The following DHX38 variants were observed in gnomAD, a reference collection of about 807,000 sequenced individuals.
DHX38 encodes the protein pre-mRNA-splicing factor ATP-dependent RNA helicase PRP16.
In DHX38, 100 loss-of-function variants were observed where a neutral mutation model predicts 153.1. The ratio of observed to expected loss-of-function variants is 0.65; its 90% CI spans 0.56 to 0.77. The LOEUF is 0.77. Ranked by LOEUF, DHX38 falls within the 30% of genes least tolerant of loss-of-function variation. DHX38 has a pLI of 0.00. For synonymous variants in DHX38, 650 were observed against 631.7 expected (o/e 1.03, Z -0.43); for missense variants, 1,440 against 1,654.0 (o/e 0.87, Z 2.24).
At position 72,098,728 on chromosome 16, in the gene DHX38, TC is replaced by T; in HGVS notation, c.704del (p.Pro235ArgfsTer23). 6.2e-7 allele frequency: 1 copy of T among 1,614,100 alleles called. No individual in the cohort carries two copies. Among genetic ancestry groups the T allele is most frequent in the Non-Finnish European group, 8.5e-7 (1 of 1,180,010 alleles). ...SSRRSQWESP[S>X]PTPSYRDSER... ...AAGGCGCTCACAGTGGGAATCGCCC[TC>T]CCCGACGCCTTCCTATCGGGATTCT... On this transcript the variant is annotated frameshift_variant, in exon 5 of 27. Coordinates refer to ENST00000268482, the MANE Select transcript of DHX38 (RefSeq NM_014003.4). LOFTEE classifies it high-confidence loss of function.
intron 10 of DHX38, 65 bp from the exon 11 acceptor site, chr16:72,101,435 G>T: frequency 6.8e-7 from 1 of 1,479,234 alleles, no homozygotes. Context: ...TCTCCCGTGG[G>T]ATTGATTTTC....
At position 72,108,600 on chromosome 16, in the gene DHX38, A is replaced by C; in HGVS notation, c.3248A>C (p.Lys1083Thr). ...ICAAYFHQAAKLKGIGEYVNI... is the reference protein window; with the variant it reads ...ICAAYFHQAATLKGIGEYVNI... ...GCTGCCTATTTCCACCAAGCAGCCA[A>C]GCTCAAGGTGAACCCAGGAGCCCAG... The change falls in exon 23 of 27, where the codon AAG (lysine) becomes ACG (threonine). Residue 1083 changes from lysine (K) to threonine (T), a missense_variant. Physicochemically the swap from Lys to Thr is moderately conservative, Grantham distance 78 (BLOSUM62 -1). Transcript: ENST00000268482. 6.2e-7 allele frequency: 1 copy of C among 1,613,744 alleles called. No homozygotes were observed.
chr16:72,110,501 C>T lies in DHX38; in HGVS notation c.3478-455C>T, dbSNP rs907433494. Among the ~76,000 whole-genome samples, 5 of 152,154 alleles carry T rather than the reference C, an allele frequency of 3.3e-5. No homozygotes were observed. In the East Asian group the frequency reaches 7.7e-4, roughly 23 times the overall value. On this transcript the variant is annotated intron_variant, in intron 25 of 26. Coordinates refer to ENST00000268482, the MANE Select transcript of DHX38 (RefSeq NM_014003.4). ...CTGCTCCTCCATCTTGAGGTTTTAG[C>T]GTCTGTTGATGGCCATTGCCTAGAT...
intron 3 of DHX38, 105 bp downstream of exon 3, chr16:72,097,114 C>A: frequency 7.7e-7 from 1 of 1,290,942 alleles, no homozygotes; most frequent in Non-Finnish European, 1.1e-6. Flanking sequence ...TTAGGGAGTC[C>A]TATTTGCATG....
chr16:72,111,741 A>G (rs2042259766), intron 26 of DHX38, among the ~76,000 whole-genome samples: 1 of 152,162 alleles, frequency 6.6e-6, no homozygotes, highest in Admixed American at 6.5e-5. Flanking sequence ...ATGACAGGTT[A>G]TTGCTAGCCA....
chr16:72,103,105 A>G lies in DHX38; in HGVS notation c.1531A>G (p.Arg511Gly). 1 of 1,614,230 alleles carries G rather than the reference A, an allele frequency of 6.2e-7. No homozygotes were observed. Among genetic ancestry groups the G allele is most frequent in the Non-Finnish European group, 8.5e-7 (1 of 1,180,030 alleles). ...GCAGAAGTTTGCAGATCACATGAAG[A>G]GAAAGAGCGAAGCCAGCAGTGAATT... ...TEQKFADHMKRKSEASSEFAK... is the reference protein window; with the variant it reads ...TEQKFADHMKGKSEASSEFAK... Residue 511 changes from arginine to glycine, a missense_variant, in exon 12 of 27, where the codon AGA (arginine) becomes GGA (glycine). Arg to Gly is a moderately radical substitution (Grantham distance 125). Around this residue, in one of 6 missense-constraint regions of DHX38, gnomAD observed 241 missense variants for 229.5 expected, o/e 1.05. Transcript: ENST00000268482.
Position 72,103,637 on chromosome 16 carries a change from G to A in DHX38, c.1673G>A (p.Gly558Glu). The change falls in exon 13 of 27, where the codon GGG becomes GAG. Residue 558 changes from glycine (G) to glutamate (E), a missense_variant. Gly to Glu is a moderately conservative substitution (Grantham distance 98). Coordinates refer to ENST00000268482, the MANE Select transcript of DHX38 (RefSeq NM_014003.4). ...ATCGTGATCGTGGTTGGGGAGACGGGGAGTGGTAAGACCACTCAGCTGACG... is the reference window on the plus strand; with the variant it reads ...ATCGTGATCGTGGTTGGGGAGACGGAGAGTGGTAAGACCACTCAGCTGACG... ...NSIVIVVGET[G>E]SGKTTQLTQY... 1 of 1,612,136 alleles carries A rather than the reference G, an allele frequency of 6.2e-7. No individual in the cohort carries two copies. Among genetic ancestry groups the A allele is most frequent in the Non-Finnish European group, 8.5e-7 (1 of 1,178,306 alleles).
intron 4 of DHX38, 68 bp downstream of exon 4, chr16:72,097,849 C>T: frequency 7.6e-7 from 1 of 1,323,302 alleles, no homozygotes; most frequent in South Asian, 1.3e-5. Flanking sequence ...TGACTCTCGT[C>T]TTCAGTGAGA....
intron 10 of DHX38, 100 bp from the exon 11 acceptor site, chr16:72,101,400 T>G: frequency 7.7e-7 from 1 of 1,296,654 alleles, no homozygotes; most frequent in Non-Finnish European, 1.1e-6. Context: ...CTGGGGGAGT[T>G]TACCACCTGC....
Position 72,104,701 on chromosome 16 carries a change from G to A in DHX38, c.2151+75G>A. On this transcript the variant is annotated intron_variant, in intron 15 of 26. Coordinates refer to ENST00000268482, the MANE Select transcript of DHX38 (RefSeq NM_014003.4). This position sits in a 1 kb window ranked among gnomAD's most constrained non-coding sequence, Gnocchi z 4.5. ...TCTGATGCGAAGCCGGCTGGAGGGT[G>A]GAGGGTGGGTAGGGGACTGGGTTGG... 6.3e-7 allele frequency: 1 copy of A among 1,595,050 alleles called. No individual in the cohort carries two copies.
Position 72,099,174 on chromosome 16 carries a change from T to C in DHX38, c.884-30T>C, listed in dbSNP as rs775866943. 2.1e-5 allele frequency: 34 copies of C among 1,600,170 alleles called. No homozygotes were observed. In the South Asian group the frequency reaches 2.6e-4, roughly 12 times the overall value. On this transcript the variant is annotated intron_variant, in intron 6 of 26. Coordinates refer to ENST00000268482, the MANE Select transcript of DHX38 (RefSeq NM_014003.4). The stretch of plus-strand genomic sequence containing the variant: ...GGGCCGCTGGGGACAGGCCAGGGCA[T>C]GGACTGACCTGCTTCCTGTGCTCCT...
intron 6 of DHX38, 67 bp downstream of exon 6, chr16:72,099,112 G>A (rs1452539785): frequency 1.3e-5 from 21 of 1,599,986 alleles, no homozygotes; most frequent in African/African-American, 2.7e-5. Flanking sequence ...AGCAGGGGCT[G>A]CCCTTCTGGA....
In DHX38 at chr16:72,104,677, C is replaced by G. The variant is rs768260581; in HGVS notation, c.2151+51C>G. 5 of 1,609,568 alleles carry G rather than the reference C, an allele frequency of 3.1e-6. No homozygotes were observed. In the African/African-American group the frequency reaches 6.7e-5, roughly 22 times the overall value. ...TGACCCTTCCATGCCACGCACTTCTCTGATGCGAAGCCGGCTGGAGGGTGG... is the reference window on the plus strand; with the variant it reads ...TGACCCTTCCATGCCACGCACTTCTGTGATGCGAAGCCGGCTGGAGGGTGG... On this transcript the variant is annotated intron_variant, in intron 15 of 26. Coordinates refer to ENST00000268482, the MANE Select transcript of DHX38 (RefSeq NM_014003.4). The surrounding 1 kb of genome is among the most constrained non-coding windows in gnomAD (Gnocchi z 4.5).
rs2042214270 is a variant in DHX38 at position 72,108,509 on chromosome 16, G to A, written c.3157G>A (p.Val1053Met). 6.2e-7 allele frequency: 1 copy of A among 1,614,184 alleles called. No homozygotes were observed. Among genetic ancestry groups the A allele is most frequent in the Non-Finnish European group, 8.5e-7 (1 of 1,180,020 alleles). The change falls in exon 23 of 27, where the codon GTG becomes ATG. Residue 1053 changes from valine (V) to methionine (M), a missense_variant. Val to Met is a conservative substitution (Grantham distance 21). Around this residue, in one of 6 missense-constraint regions of DHX38, gnomAD observed 543 missense variants for 717.9 expected, o/e 0.76. Transcript: ENST00000268482. Reference sequence around the variant, plus strand: ...GCGAGCTCAACTCAAGGACATCATGGTGCAGCAGCGGATGAGCCTGGCCTC... The same window carrying A: ...GCGAGCTCAACTCAAGGACATCATGATGCAGCAGCGGATGAGCCTGGCCTC... The part of the protein sequence containing the change: ...EVRAQLKDIM[V>M]QQRMSLASCG...
At position 72,098,977 on chromosome 16, in the gene DHX38, A is replaced by G. The variant is rs777278940; in HGVS notation, c.815A>G (p.Tyr272Cys). The G allele has an allele frequency of 1.9e-6, 3 of 1,613,964 alleles. No individual in the cohort carries two copies. The South Asian group carries it at 3.3e-5, about 18-fold the overall frequency. ...GACACGCCTCTGCCAACTCCCTCCT[A>G]CAAATATAACGAGTGGGCCGATGAC... is the stretch of plus-strand genomic sequence containing the variant. ...SDDTPLPTPSYKYNEWADDRR... is the reference protein window; with the variant it reads ...SDDTPLPTPSCKYNEWADDRR... The change falls in exon 6 of 27, where the codon TAC becomes TGC. Residue 272 changes from tyrosine (Y) to cysteine (C), a missense_variant. Coordinates refer to ENST00000268482, the MANE Select transcript of DHX38 (RefSeq NM_014003.4).
At position 72,107,270 on chromosome 16, in the gene DHX38, T is replaced by G. The variant is rs1488398407; in HGVS notation, c.2601-70T>G. The G allele has an allele frequency of 2.0e-6, 3 of 1,465,156 alleles. No individual in the cohort carries two copies. Among genetic ancestry groups the G allele is most frequent in the Non-Finnish European group, 1.8e-6 (2 of 1,091,082 alleles). The allele number at this position is 1,465,156 out of a possible 1,614,324, so 90.8% of individuals were successfully genotyped here. On this transcript the variant is annotated intron_variant, in intron 19 of 26. Coordinates refer to ENST00000268482, the MANE Select transcript of DHX38 (RefSeq NM_014003.4). This position sits in a 1 kb window ranked among gnomAD's most constrained non-coding sequence, Gnocchi z 5.3. The stretch of plus-strand genomic sequence containing the variant: ...GAAATGAGAATTTCCTCCCTCCCTG[T>G]GGGATTTCATCTGTACTGGCTGCTG...
Position 72,105,142 on chromosome 16 carries a change from G to A in DHX38, c.2262+5G>A, listed in dbSNP as rs753209637. On this transcript the variant is annotated splice_donor_5th_base_variant and intron_variant, in intron 16 of 26. Coordinates refer to ENST00000268482, the MANE Select transcript of DHX38 (RefSeq NM_014003.4). ...CCTGGCCAAGAGGACATTGAGGTGCGTGCCTTGGTCACGACTGTGATGAGC... is the reference window on the plus strand; with the variant it reads ...CCTGGCCAAGAGGACATTGAGGTGCATGCCTTGGTCACGACTGTGATGAGC... 35 of 1,614,072 alleles carry A rather than the reference G, an allele frequency of 2.2e-5. No homozygotes were observed. Among genetic ancestry groups the A allele is most frequent in the Non-Finnish European group, 2.2e-5 (26 of 1,180,008 alleles).
At chr16:72,102,449 CTT>C (rs148158968) in intron 11 of DHX38, among the ~76,000 whole-genome samples, 3,387 of 152,154 alleles carry the variant, frequency 0.022, 65 homozygotes, top group Non-Finnish European at 0.037. Flanking sequence ...GAACTGGTGT[CTT>C]TTTGCCAGGC....
chr16:72,107,911 T>C lies in DHX38; in HGVS notation c.2964+112T>C. On this transcript the variant is annotated intron_variant, in intron 21 of 26. Coordinates refer to ENST00000268482, the MANE Select transcript of DHX38 (RefSeq NM_014003.4). This position sits in a 1 kb window ranked among gnomAD's most constrained non-coding sequence, Gnocchi z 5.3. ...GAACAGAGGGCAGAATCAGAGTTTC[T>C]GAAGAATGATTTTGCTGTTCTCGGT... 1.4e-6 allele frequency: 2 copies of C among 1,417,166 alleles called. No homozygotes were observed. The highest frequency in any genetic ancestry group is 1.3e-5 in the South Asian group (1 of 74,102). 87.8% of individuals were successfully genotyped at this position (1,417,166 alleles called of 1,614,324 possible). A position where few individuals can be genotyped will look rare whatever the true frequency, so the allele number is the denominator to read the frequency against.
Sources: allele counts gnomAD v4.1 joint callset (sites outside exome capture counted in the v4.1 genomes callset), GRCh38; gene constraint gnomAD v4.1.1; regional missense constraint gnomAD v4.1.1; non-coding constraint Gnocchi (gnomAD v3.1); transcripts MANE v1.5; gene names NCBI Gene and HGNC (gene_info 2026-07-23, HGNC 2026-07-21).